The following ELMOD3 variants were observed in gnomAD, a reference collection of about 807,000 sequenced individuals.
ELMOD3 encodes the protein ELMO domain containing 3.
ELMOD3 carries 36 observed loss-of-function variants against 47.4 expected under a neutral mutation model. The observed-to-expected ratio is 0.76, with a 90% CI of 0.58 to 1.00. The LOEUF (loss-of-function observed/expected upper bound fraction) is 1.00. Among genes scored for constraint, ELMOD3 ranks in the 50% least tolerant of loss-of-function variants. ELMOD3 has a pLI of 0.00. For synonymous variants in ELMOD3, 149 were observed against 183.5 expected (o/e 0.81, Z 1.52); for missense variants, 404 against 463.8 (o/e 0.87, Z 1.18).
chr2:85,390,474 T>C (rs1431572546), intron 13 of ELMOD3: 1 of 1,613,764 alleles, frequency 6.2e-7, no homozygotes, highest in South Asian at 1.1e-5. Flanking sequence ...TCTGGTCTTA[T>C]ACTTATGACA....
At chr2:85,379,462 C>CCCAGAGT (rs1685402694) in intron 11 of ELMOD3, among the ~76,000 whole-genome samples, 1 of 152,222 alleles carries the variant, frequency 6.6e-6, no homozygotes, top group African/African-American at 2.4e-5. Flanking sequence ...GCCTCAGCCT[C>CCCAGAGT]CCAGAGTGCT....
intron 11 of ELMOD3, 48 bp from the exon 12 acceptor site, chr2:85,389,701 AAC>A (rs1269291081): frequency 1.9e-6 from 3 of 1,540,564 alleles, no homozygotes; most frequent in Admixed American, 3.3e-5. Context: ...GATGACAGGA[AAC>A]ACAGTGAGAG....
chr2:85,368,426 C>T (rs1312948366), intron 6 of ELMOD3: 4 of 466,166 alleles, frequency 8.6e-6, no homozygotes, highest in Non-Finnish European at 1.6e-5. Context: ...GGGGACCACC[C>T]GGGAGTGGGG....
chr2:85,378,850 T>C (rs909509391), intron 11 of ELMOD3, among the ~76,000 whole-genome samples: 12 of 152,206 alleles, frequency 7.9e-5, no homozygotes, highest in African/African-American at 2.7e-4. Context: ...ACGGCTAGGA[T>C]GGTTTATTCC....
chr2:85,357,533 T>G, intron 4 of ELMOD3: 1 of 287,168 alleles, frequency 3.5e-6, no homozygotes, highest in East Asian at 7.8e-5. Context: ...TTGATTTGGA[T>G]CATTACCTTA....
chr2:85,377,354 A>G lies in ELMOD3; in HGVS notation c.618A>G (p.Pro206=), dbSNP rs1239496165. ...CGGTCTCTGTTACAGGAGCGAATCC[A>G]GCCACAGACCTGAGAGGCGCAGGCT... The part of the protein sequence containing the change: ...WEDLGFQGAN[P]ATDLRGAGFL... The change falls in exon 11 of 14, where the codon CCA becomes CCG. Residue 206 remains proline (P), a synonymous_variant. Transcript: ENST00000409013. The G allele has an allele frequency of 9.4e-6, 15 of 1,600,806 alleles. No homozygotes were observed. The highest frequency in any genetic ancestry group is 1.3e-5 in the Non-Finnish European group (15 of 1,173,856).
intron 10 of ELMOD3, among the ~76,000 whole-genome samples, chr2:85,373,917 CTCTT>C (rs1163455785): frequency 1.4e-5 from 2 of 141,840 alleles, no homozygotes; most frequent in East Asian, 2.0e-4. Flanking sequence ...CTTCCTAACC[CTCTT>C]TTTTTTTTTT....
intron 4 of ELMOD3, among the ~76,000 whole-genome samples, 174 bp from the exon 5 acceptor site, chr2:85,362,012 G>C (rs138959712): frequency 0.011 from 1,734 of 151,838 alleles, 14 homozygotes; most frequent in Middle Eastern, 0.034. Context: ...TCAAATACCT[G>C]GCTGATGAAA....
chr2:85,390,050 CTGGGGAAATG>C (rs1221351767), intron 12 of ELMOD3, 78 bp from the exon 13 acceptor site: 19 of 1,397,416 alleles, frequency 1.4e-5, no homozygotes, highest in Non-Finnish European at 1.9e-5. Flanking sequence ...GCTGGCTCCC[CTGGGGAAATG>C]GGGAAGGAAG....
chr2:85,377,590 C>A, intron 11 of ELMOD3, 116 bp downstream of exon 11: 2 of 1,118,234 alleles, frequency 1.8e-6, no homozygotes, highest in Non-Finnish European at 2.5e-6. Context: ...CCCCGTCAGT[C>A]TGACCTGCAT....
intron 10 of ELMOD3, among the ~76,000 whole-genome samples, chr2:85,374,356 T>TC (rs1685018613): frequency 6.6e-6 from 1 of 152,202 alleles, no homozygotes; most frequent in Middle Eastern, 3.4e-3. Context: ...ATTTTTTTTT[T>TC]CTTGAGATGG....
At chr2:85,370,580 A>G (rs1684725873) in intron 8 of ELMOD3, among the ~76,000 whole-genome samples, 1 of 152,220 alleles carries the variant, frequency 6.6e-6, no homozygotes, top group Admixed American at 6.5e-5. Flanking sequence ...GCCGAAAGCT[A>G]CCGAAATCAG....
intron 11 of ELMOD3, among the ~76,000 whole-genome samples, chr2:85,382,421 G>C (rs1252492974): frequency 6.7e-6 from 1 of 148,400 alleles, no homozygotes; most frequent in Non-Finnish European, 1.5e-5. Context: ...CTGGGCAACA[G>C]AGCGAGATTC....
chr2:85,390,083 C>G lies in ELMOD3; in HGVS notation c.816-55C>G, dbSNP rs771093640. The G allele has an allele frequency of 3.9e-6, 6 of 1,532,094 alleles. No homozygotes were observed. In the East Asian group the frequency reaches 1.1e-4, roughly 29 times the overall value. The allele number at this position is 1,532,094 out of a possible 1,614,324, so 94.9% of individuals were successfully genotyped here. On this transcript the variant is annotated intron_variant, in intron 12 of 13. Coordinates refer to ENST00000409013, the MANE Select transcript of ELMOD3 (RefSeq NM_001135022.2). Reference sequence around the variant, plus strand: ...ATGGGGAAGGAAGGCGGGAGGGAACCTAGGTCTCAGCCTTCATCCACCGCT... The same window carrying G: ...ATGGGGAAGGAAGGCGGGAGGGAACGTAGGTCTCAGCCTTCATCCACCGCT...
chr2:85,367,745 A>G (rs759069170), intron 6 of ELMOD3: 2 of 152,180 alleles, frequency 1.3e-5, no homozygotes, highest in Non-Finnish European at 1.5e-5. Context: ...ACCCTGATAA[A>G]TCCATCAAAA....
chr2:85,374,395 G>C (rs1365182198), intron 10 of ELMOD3, among the ~76,000 whole-genome samples: 2 of 152,110 alleles, frequency 1.3e-5, no homozygotes, highest in Non-Finnish European at 2.9e-5. Context: ...AGGCTGGAGT[G>C]CAGTGGCATG....
chr2:85,362,615 A>G (rs1416158931), intron 5 of ELMOD3, among the ~76,000 whole-genome samples: 1 of 152,154 alleles, frequency 6.6e-6, no homozygotes, highest in African/African-American at 2.4e-5. Context: ...TTTTCCAGGT[A>G]CCTCAATTTA....
intron 7 of ELMOD3, 98 bp downstream of exon 7, chr2:85,368,852 G>A (rs1684587585): frequency 7.9e-7 from 1 of 1,270,312 alleles, no homozygotes; most frequent in Non-Finnish European, 1.1e-6. Flanking sequence ...GGGACTAGGA[G>A]ATAGAATTCC....
In ELMOD3 at chr2:85,362,218, A is replaced by G; in HGVS notation, c.87A>G (p.Ser29=). 3 of 1,607,810 alleles carry G rather than the reference A, an allele frequency of 1.9e-6. No homozygotes were observed. Among genetic ancestry groups the G allele is most frequent in the Non-Finnish European group, 2.6e-6 (3 of 1,174,258 alleles). ...GERLSAGYSP[S]YDKDKSVLAF... ...GATTGTCTGCTGGATATTCTCCATC[A>G]TATGACAAGGACAAGAGTGTTCTGG... The change falls in exon 5 of 14, where the codon TCA becomes TCG. Residue 29 remains serine, a synonymous_variant. Coordinates refer to ENST00000409013, the MANE Select transcript of ELMOD3 (RefSeq NM_001135022.2).
Sources: allele counts gnomAD v4.1 joint callset (sites outside exome capture counted in the v4.1 genomes callset), GRCh38; gene constraint gnomAD v4.1.1; transcripts MANE v1.5; gene names NCBI Gene and HGNC (gene_info 2026-07-23, HGNC 2026-07-21).